ZNF536: variants seen among roughly 807,000 people sequenced by gnomAD.
ZNF536 encodes zinc finger protein 536.
Under a neutral mutation model 84.5 loss-of-function variants are expected in ZNF536, and 13 were observed. That is an observed-to-expected ratio of 0.15 (90% CI 0.10 to 0.24). ZNF536 has a LOEUF of 0.24. Among genes scored for constraint, ZNF536 ranks in the 10% least tolerant of loss-of-function variants. The probability of loss-of-function intolerance (pLI) is 1.00; values close to 1 mark genes in which losing one functional copy is unlikely to be tolerated. For missense variants in ZNF536, 1,536 were observed against 1,747.5 expected (o/e 0.88, Z 2.16); for synonymous variants, 811 against 742.5 (o/e 1.09, Z -1.50).
At chr19:30,606,276 TA>T (rs1329755440) in intron 1 of ZNF536, among the ~76,000 whole-genome samples, 15 of 19,732 alleles carry the variant, frequency 7.6e-4, no homozygotes, top group African/African-American at 2.2e-3. Flanking sequence ...TAAAATAAAA[TA>T]AAATAAAATA....
At chr19:30,681,839 G>T (rs141665901) in intron 1 of ZNF536, among the ~76,000 whole-genome samples, 2 of 152,124 alleles carry the variant, frequency 1.3e-5, no homozygotes, top group African/African-American at 4.8e-5. Context: ...TCTCCGCCAC[G>T]CTGGAGAGAA....
chr19:30,304,292 A>G (rs2046280953), intron 2 of ZNF536, among the ~76,000 whole-genome samples: 1 of 152,218 alleles, frequency 6.6e-6, no homozygotes, highest in African/African-American at 2.4e-5. Context: ...GACGAAGGCC[A>G]GTTCAATGGA....
chr19:30,245,267 C>A (rs1039814556), intron 1 of ZNF536, among the ~76,000 whole-genome samples: 1 of 152,214 alleles, frequency 6.6e-6, no homozygotes. Flanking sequence ...TCCCAGTCAC[C>A]TGCTGTCTTG....
At chr19:30,299,680 G>C (rs557204398) in intron 2 of ZNF536, among the ~76,000 whole-genome samples, 1 of 152,244 alleles carries the variant, frequency 6.6e-6, no homozygotes, top group South Asian at 2.1e-4. Flanking sequence ...TTCTGAGCAG[G>C]TTTGGTAAAA....
intron 1 of ZNF536, among the ~76,000 whole-genome samples, chr19:30,604,170 C>A (rs1316816606): frequency 6.6e-6 from 1 of 152,204 alleles, no homozygotes; most frequent in African/African-American, 2.4e-5. Flanking sequence ...AGACTGGAAA[C>A]AGCCTGGACA....
At chr19:30,427,474 G>C (rs1193040158) in intron 1 of ZNF536, among the ~76,000 whole-genome samples, 1 of 152,198 alleles carries the variant, frequency 6.6e-6, no homozygotes, top group Non-Finnish European at 1.5e-5. Context: ...CAAGGGTGCA[G>C]GGGACAGCAA....
intron 2 of ZNF536, among the ~76,000 whole-genome samples, chr19:30,289,459 C>T (rs554968315): frequency 3.3e-5 from 5 of 152,348 alleles, no homozygotes; most frequent in Admixed American, 1.3e-4. Flanking sequence ...CATACCTCCA[C>T]GTATGAGCCA....
Position 30,691,005 on chromosome 19 carries a change from T to C in ZNF536, c.170-19752T>C, listed in dbSNP as rs531935476. 4.6e-5 allele frequency among the ~76,000 whole-genome samples: 7 copies of C among 152,334 alleles called. No individual in the cohort carries two copies. In the East Asian group the frequency reaches 1.4e-3, roughly 29 times the overall value. ...TAACTATTGTGAGTAGTTTATAGCC[T>C]GGTGGTCAGTGAGGCTGCTGCTTAC... On this transcript the variant is annotated intron_variant, in intron 1 of 1. Transcript: ENST00000592773.
At chr19:30,375,414 A>G (rs1347319986) in intron 1 of ZNF536, among the ~76,000 whole-genome samples, 1 of 151,980 alleles carries the variant, frequency 6.6e-6, no homozygotes, top group Non-Finnish European at 1.5e-5. Flanking sequence ...GCTCCCCGCT[A>G]CCTGCGCGCC....
chr19:30,450,788 G>GC (rs930925414), intron 2 of ZNF536, among the ~76,000 whole-genome samples: 2 of 152,058 alleles, frequency 1.3e-5, no homozygotes, highest in Non-Finnish European at 2.9e-5. Flanking sequence ...ATCACATTTA[G>GC]CCTTAAAGGT....
intron 2 of ZNF536, among the ~76,000 whole-genome samples, chr19:30,318,585 C>G (rs146373130): frequency 9.8e-5 from 15 of 152,360 alleles, no homozygotes; most frequent in African/African-American, 3.6e-4. Flanking sequence ...ACCTCTGACT[C>G]TGTGTGCAGG....
At chr19:30,575,773 AC>A (rs1425072151) in intron 1 of ZNF536, among the ~76,000 whole-genome samples, 1 of 152,168 alleles carries the variant, frequency 6.6e-6, no homozygotes, top group African/African-American at 2.4e-5. Flanking sequence ...GTGCAGTGAC[AC>A]CCAGGGATTT....
At chr19:30,523,313 C>T (rs900480799) in intron 2 of ZNF536, among the ~76,000 whole-genome samples, 2 of 152,218 alleles carry the variant, frequency 1.3e-5, no homozygotes, top group Non-Finnish European at 2.9e-5. Flanking sequence ...TAACCTCCAT[C>T]AGGCACCATG....
chr19:30,627,333 T>C lies in ZNF536; in HGVS notation c.169+77819T>C, dbSNP rs1433941667. 2.0e-5 allele frequency among the ~76,000 whole-genome samples: 3 copies of C among 151,702 alleles called. No homozygotes were observed. The East Asian group carries it at 5.8e-4, about 29-fold the overall frequency. ...AAAATAAGAAAATAGTCAGGTGGTG[T>C]AGTGGTACACATCTGTAGTCCCAGC... On this transcript the variant is annotated intron_variant, in intron 1 of 1. Coordinates refer to the ZNF536 transcript ENST00000592773.
intron 2 of ZNF536, among the ~76,000 whole-genome samples, chr19:30,522,867 G>C (rs1337881506): frequency 1.3e-5 from 2 of 152,022 alleles, no homozygotes; most frequent in Non-Finnish European, 2.9e-5. Context: ...CATGCACATA[G>C]GTATATATAT....
At chr19:30,459,775 T>C (rs548672141) in intron 2 of ZNF536, among the ~76,000 whole-genome samples, 1 of 152,276 alleles carries the variant, frequency 6.6e-6, no homozygotes, top group South Asian at 2.1e-4. Context: ...TGCATCAGGC[T>C]CTCTTCGCTG....
intron 1 of ZNF536, among the ~76,000 whole-genome samples, chr19:30,620,426 G>A (rs1456878539): frequency 6.6e-6 from 1 of 152,022 alleles, no homozygotes; most frequent in Non-Finnish European, 1.5e-5. Flanking sequence ...ATCAAATAAA[G>A]CAAGCTGGGT....
intron 2 of ZNF536, among the ~76,000 whole-genome samples, chr19:30,319,467 C>T (rs907081058): frequency 3.3e-5 from 5 of 152,210 alleles, no homozygotes; most frequent in African/African-American, 9.6e-5. Flanking sequence ...ATGATTGCTA[C>T]GTACAATTTG....
chr19:30,338,245 AATG>A (rs746265922), intron 2 of ZNF536, among the ~76,000 whole-genome samples: 2 of 151,664 alleles, frequency 1.3e-5, no homozygotes, highest in Non-Finnish European at 2.9e-5. Flanking sequence ...TGATTATGAC[AATG>A]ATGATGATAA....
Sources: gnomAD v4.1 joint callset for allele counts (sites outside exome capture counted in the v4.1 genomes callset) on GRCh38, gnomAD v4.1.1 for gene constraint, MANE v1.5 for transcripts, NCBI Gene and HGNC (gene_info 2026-07-23, HGNC 2026-07-21) for gene names.